FANCC: variants seen among roughly 807,000 people sequenced by gnomAD.
The protein encoded by FANCC is FA complementation group C, also known as Fanconi anemia group C protein.
In FANCC, 55 loss-of-function variants were observed where a neutral mutation model predicts 71.3. The observed-to-expected ratio is 0.77, with a 90% CI of 0.62 to 0.97. FANCC has a LOEUF of 0.97. Among genes scored for constraint, FANCC ranks in the 50% least tolerant of loss-of-function variants. The probability of loss-of-function intolerance (pLI) is 0.00; values close to 1 mark genes in which losing one functional copy is unlikely to be tolerated. For missense variants in FANCC, 678 were observed against 670.9 expected (o/e 1.01, Z -0.12); for synonymous variants, 275 against 244.9 (o/e 1.12, Z -1.15).
intron 10 of FANCC, among the ~76,000 whole-genome samples, chr9:95,119,331 G>C (rs187369618): frequency 4.0e-5 from 6 of 149,528 alleles, no homozygotes; most frequent in African/African-American, 1.5e-4. Flanking sequence ...CCTAGCTAAC[G>C]GCTTGCTTTT....
At chr9:95,309,204 T>A (rs922859013) in intron 1 of FANCC, among the ~76,000 whole-genome samples, 1 of 152,338 alleles carries the variant, frequency 6.6e-6, no homozygotes, top group Middle Eastern at 3.4e-3. Context: ...CCAACTTTTT[T>A]AGTGTAATGA....
intron 6 of FANCC, among the ~76,000 whole-genome samples, chr9:95,159,545 C>T (rs1362686417): frequency 6.6e-6 from 1 of 152,170 alleles, no homozygotes; most frequent in Non-Finnish European, 1.5e-5. Context: ...TGGGTATATA[C>T]CCAGTAATGG....
At chr9:95,163,620 C>T (rs1309950637) in intron 6 of FANCC, among the ~76,000 whole-genome samples, 1 of 152,292 alleles carries the variant, frequency 6.6e-6, no homozygotes, top group South Asian at 2.1e-4. Context: ...GAGGCCAAGG[C>T]AAGTGGATCA....
intron 7 of FANCC, among the ~76,000 whole-genome samples, chr9:95,143,807 C>G (rs1299436395): frequency 1.5e-4 from 23 of 152,170 alleles, no homozygotes; most frequent in African/African-American, 5.6e-4. Context: ...GGTTTTATGC[C>G]GTCTTTAGCC....
chr9:95,101,608 C>T lies in FANCC; in HGVS notation c.*99G>A, dbSNP rs1363681376. ...GCTCATTCTCACAGCCCAGCGAGGG[C>T]ACTTACTCCACAAATGCGTGGCCAC... On this transcript the variant is annotated 3_prime_UTR_variant, in exon 15 of 15. Coordinates refer to ENST00000289081, the MANE Select transcript of FANCC (RefSeq NM_000136.3). The T allele has an allele frequency of 8.3e-6, 12 of 1,437,684 alleles. No homozygotes were observed. The African/African-American group carries it at 9.8e-5, about 12-fold the overall frequency. The allele number at this position is 1,437,684 out of a possible 1,614,324, so 89.1% of individuals were successfully genotyped here.
chr9:95,301,737 G>A (rs1326610676), intron 1 of FANCC, among the ~76,000 whole-genome samples: 1 of 151,812 alleles, frequency 6.6e-6, no homozygotes, highest in South Asian at 2.1e-4. Flanking sequence ...TTTTTTCCCT[G>A]TGTTTTTCAA....
chr9:95,134,811 G>A (rs1827426066), intron 8 of FANCC, among the ~76,000 whole-genome samples: 1 of 152,254 alleles, frequency 6.6e-6, no homozygotes, highest in Admixed American at 6.5e-5. Flanking sequence ...CAGCTGCACA[G>A]TCCTGAGCGG....
At chr9:95,224,715 T>A (rs572264111) in intron 4 of FANCC, among the ~76,000 whole-genome samples, 3 of 151,940 alleles carry the variant, frequency 2.0e-5, no homozygotes, top group African/African-American at 7.2e-5. Flanking sequence ...TATTTGTTAT[T>A]TTTTTTTAAT....
chr9:95,113,549 G>A (rs1259149408), intron 12 of FANCC, among the ~76,000 whole-genome samples: 4 of 151,684 alleles, frequency 2.6e-5, no homozygotes, highest in East Asian at 1.9e-4. Context: ...ATCCCAGCAC[G>A]ACGGGAGGCC....
intron 6 of FANCC, among the ~76,000 whole-genome samples, chr9:95,163,718 G>A (rs10993483): frequency 0.23 from 34,522 of 152,102 alleles, 5,089 homozygotes; most frequent in Non-Finnish European, 0.33. Flanking sequence ...GCATGGTGGC[G>A]TGCACCTGTA....
Position 95,111,780 on chromosome 9 carries a change from A to G in FANCC, c.1155-143T>C, listed in dbSNP as rs1588049229. 3.1e-6 allele frequency: 3 copies of G among 979,156 alleles called. No homozygotes were observed. The East Asian group carries it at 7.7e-5, about 25-fold the overall frequency. The allele number at this position is 979,156 out of a possible 1,614,324, so 60.7% of individuals were successfully genotyped here. The stretch of plus-strand genomic sequence containing the variant: ...GCAACCTGCAAGGAATACAATTTAG[A>G]TTCAGAAAGCCTGTCCAAACGCCAC... On this transcript the variant is annotated intron_variant, in intron 12 of 14. Transcript: ENST00000289081.
At chr9:95,119,733 A>T (rs2072720396) in intron 10 of FANCC, among the ~76,000 whole-genome samples, 1 of 151,552 alleles carries the variant, frequency 6.6e-6, no homozygotes, top group Admixed American at 6.6e-5. Context: ...ATTTTTTGAG[A>T]TATGGTTTCA....
chr9:95,284,385 T>C (rs1328046997), intron 1 of FANCC, among the ~76,000 whole-genome samples: 1 of 152,216 alleles, frequency 6.6e-6, no homozygotes, highest in Non-Finnish European at 1.5e-5. Flanking sequence ...GGCTGTCAAG[T>C]CATGAGTTGT....
intron 1 of FANCC, among the ~76,000 whole-genome samples, chr9:95,298,123 T>C (rs749333996): frequency 6.6e-6 from 1 of 152,070 alleles, no homozygotes; most frequent in Non-Finnish European, 1.5e-5. Context: ...TTACAGTAAC[T>C]GAGGCCTAGT....
At chr9:95,245,578 G>A (rs866881364) in intron 3 of FANCC, among the ~76,000 whole-genome samples, 5 of 151,484 alleles carry the variant, frequency 3.3e-5, no homozygotes, top group Admixed American at 1.3e-4. Context: ...TATTGTTACA[G>A]TTGATTTATT....
chr9:95,118,744 A>T (rs2072634805), intron 10 of FANCC, among the ~76,000 whole-genome samples: 1 of 152,222 alleles, frequency 6.6e-6, no homozygotes, highest in Non-Finnish European at 1.5e-5. Flanking sequence ...GTGCGAGTAG[A>T]TCATTCTGTT....
chr9:95,203,660 T>A (rs1048211177), intron 4 of FANCC, among the ~76,000 whole-genome samples: 3 of 152,204 alleles, frequency 2.0e-5, no homozygotes, highest in Non-Finnish European at 2.9e-5. Context: ...AAAATATTTA[T>A]CTAGTAATTA....
chr9:95,110,891 T>C (rs2071862201), intron 13 of FANCC: 12 of 1,266,276 alleles, frequency 9.5e-6, no homozygotes, highest in Middle Eastern at 3.1e-4. Flanking sequence ...TCCAGTCCCA[T>C]ACTTAGCTGC....
intron 6 of FANCC, among the ~76,000 whole-genome samples, chr9:95,165,089 A>G (rs2135540973): frequency 6.6e-6 from 1 of 151,970 alleles, no homozygotes; most frequent in East Asian, 1.9e-4. Context: ...TAGTAGTCTC[A>G]ATCTTTTTAA....
Sources: gnomAD v4.1 joint callset for allele counts (sites outside exome capture counted in the v4.1 genomes callset) on GRCh38, gnomAD v4.1.1 for gene constraint, MANE v1.5 for transcripts, NCBI Gene and HGNC (gene_info 2026-07-23, HGNC 2026-07-21) for gene names.